LRP5: variants seen among roughly 807,000 people sequenced by gnomAD.
The protein encoded by LRP5 is LDL receptor related protein 5, also known as low-density lipoprotein receptor-related protein 5.
Under a neutral mutation model 154.1 loss-of-function variants are expected in LRP5, and 62 were observed. That is an observed-to-expected ratio of 0.40 (90% CI 0.33 to 0.50). The LOEUF is 0.50. LRP5 is among the 20% of genes least tolerant of loss of function. The pLI is 0.55. For missense variants in LRP5, 1,915 were observed against 2,336.7 expected, an observed-to-expected ratio of 0.82 and a Z score of 3.72; for synonymous variants, 966 against 1,011.5, an observed-to-expected ratio of 0.96 and a Z score of 0.85.
intron 5 of LRP5, among the ~76,000 whole-genome samples, chr11:68,377,311 T>C (rs931910307): frequency 2.0e-5 from 3 of 152,108 alleles, no homozygotes; most frequent in African/African-American, 7.2e-5. Flanking sequence ...AGCAGCGACT[T>C]TCCTGTTTTA....
rs186020781 is a variant in LRP5 at position 68,363,094 on chromosome 11, A to G, written c.687-653A>G. Among the ~76,000 whole-genome samples the G allele has an allele frequency of 8.5e-5, 13 of 152,378 alleles. No homozygotes were observed. The East Asian group carries it at 1.7e-3, about 20-fold the overall frequency. ...TTGATGCCAAGTTTCATTTACTCTG[A>G]AAGTATAAATTATGAGCATTGTAAG... On this transcript the variant is annotated intron_variant, in intron 3 of 22. Coordinates refer to ENST00000294304, the MANE Select transcript of LRP5 (RefSeq NM_002335.4).
Position 68,409,095 on chromosome 11 carries a change from TACAC to T in LRP5, c.2092-813_2092-810del, listed in dbSNP as rs201493195. ...AAAAATATATATATATATATATATA[TACAC>T]ACACATACACGCACACACACATAAT... On this transcript the variant is annotated intron_variant, in intron 9 of 22. Transcript: ENST00000294304. 3.4e-3 allele frequency among the ~76,000 whole-genome samples: 95 copies of T among 27,766 alleles called. 3 individuals carry two copies. Among genetic ancestry groups the T allele is most frequent in the South Asian group, 0.011 (6 of 558 alleles). The allele number at this position is 27,766 out of a possible 152,430, so 18.2% of individuals were successfully genotyped here. A position where few individuals can be genotyped will look rare whatever the true frequency, so the allele number is the denominator to read the frequency against.
intron 4 of LRP5, among the ~76,000 whole-genome samples, chr11:68,364,932 C>A (rs192489439): frequency 6.6e-6 from 1 of 151,672 alleles, no homozygotes; most frequent in South Asian, 2.1e-4. Context: ...CTACACCCAG[C>A]TTTCCCCTGG....
chr11:68,436,921 A>C lies in LRP5; in HGVS notation c.4033A>C (p.Ser1345Arg), dbSNP rs572540297. Residue 1345 changes from serine to arginine, a missense_variant, in exon 19 of 23, where the codon AGC becomes CGC. This residue lies in a region of LRP5 where 1,094 missense variants were observed against 1,210.1 expected (regional missense o/e 0.90). Coordinates refer to ENST00000294304, the MANE Select transcript of LRP5 (RefSeq NM_002335.4). ...CCTGCCCAACCAGTTCCGGTGTGCG[A>C]GCGGCCAGTGTGTCCTCATCAAACA... ...ICLPNQFRCASGQCVLIKQQC... is the reference protein window; with the variant it reads ...ICLPNQFRCARGQCVLIKQQC... 6.2e-7 allele frequency: 1 copy of C among 1,613,854 alleles called. No individual in the cohort carries two copies. The highest frequency in any genetic ancestry group is 2.2e-5 in the East Asian group (1 of 44,874).
intron 5 of LRP5, among the ~76,000 whole-genome samples, chr11:68,385,612 C>T (rs937992834): frequency 1.6e-4 from 25 of 151,920 alleles, no homozygotes; most frequent in African/African-American, 4.6e-4. Flanking sequence ...GTCAAGTGGT[C>T]GTGAAACTCT....
chr11:68,340,087 A>C (rs552288885), intron 1 of LRP5, among the ~76,000 whole-genome samples: 9 of 152,172 alleles, frequency 5.9e-5, no homozygotes, highest in African/African-American at 1.7e-4. Flanking sequence ...CTAAAAATAC[A>C]AAATTAGCTG....
chr11:68,416,054 C>G (rs1235193364), intron 12 of LRP5, among the ~76,000 whole-genome samples: 1 of 146,478 alleles, frequency 6.8e-6, no homozygotes, highest in African/African-American at 2.5e-5. Flanking sequence ...GACTCCATCT[C>G]AAAAAAAAAA....
At chr11:68,440,823 A>G (rs1156236253) in intron 21 of LRP5, among the ~76,000 whole-genome samples, 1 of 151,872 alleles carries the variant, frequency 6.6e-6, no homozygotes, top group Non-Finnish European at 1.5e-5. Flanking sequence ...CTTCAGTGCA[A>G]TGGTGTGATC....
upstream of LRP5, among the ~76,000 whole-genome samples, chr11:68,312,220 TG>T (rs2098588456): frequency 6.6e-6 from 1 of 152,068 alleles, no homozygotes; most frequent in South Asian, 2.1e-4. Context: ...GGCCGCCCCG[TG>T]GGGCCCCAGG....
intron 2 of LRP5, among the ~76,000 whole-genome samples, chr11:68,356,418 C>T (rs1168810899): frequency 6.6e-6 from 1 of 152,082 alleles, no homozygotes; most frequent in Non-Finnish European, 1.5e-5. Context: ...ATTACAGGTG[C>T]AAGCCATCGT....
chr11:68,343,919 A>G (rs2098610625), intron 1 of LRP5, among the ~76,000 whole-genome samples: 2 of 151,998 alleles, frequency 1.3e-5, no homozygotes, highest in African/African-American at 4.8e-5. Flanking sequence ...GGGGGCAGGG[A>G]CCTGGGCTCC....
At chr11:68,357,918 T>C (rs1297801136) in intron 3 of LRP5, 71 bp downstream of exon 3, 1 of 1,402,910 alleles carries the variant, frequency 7.1e-7, no homozygotes, top group Non-Finnish European at 9.8e-7. Context: ...CGTTCCTTCT[T>C]AACTCAGGCC....
At chr11:68,409,089 T>C (rs959908373) in intron 9 of LRP5, among the ~76,000 whole-genome samples, 15 of 39,772 alleles carry the variant, frequency 3.8e-4, no homozygotes, top group African/African-American at 9.1e-4. Flanking sequence ...TATATATATA[T>C]ATATATACAC....
At chr11:68,306,110 C>T in the LRP5 span, among the ~76,000 whole-genome samples, 1 of 152,158 alleles carries the variant, frequency 6.6e-6, no homozygotes, top group African/African-American at 2.4e-5. Context: ...CCTTCACTCT[C>T]CTCTTCTGTC....
intron 3 of LRP5, among the ~76,000 whole-genome samples, chr11:68,358,788 G>T (rs971756928): frequency 6.6e-6 from 1 of 152,236 alleles, no homozygotes; most frequent in African/African-American, 2.4e-5. Context: ...CATCCCTTCT[G>T]TGTACAGGTG....
In LRP5 at chr11:68,406,412, C is replaced by T. The variant is rs553147657; in HGVS notation, c.1802-112C>T. 3.0e-3 allele frequency: 3,646 copies of T among 1,206,426 alleles called. 8 individuals are homozygous for T. Among genetic ancestry groups the T allele is most frequent in the Non-Finnish European group, 4.1e-3 (3,317 of 813,112 alleles). 74.7% of individuals were successfully genotyped at this position (1,206,426 alleles called of 1,614,324 possible). A position where few individuals can be genotyped will look rare whatever the true frequency, so the allele number is the denominator to read the frequency against. ...CTGACCCGGGGGTGAGTCCTGAGCTCGGCACCCCTGAGCTGTGTGGCTCAC... is the reference window on the plus strand; with the variant it reads ...CTGACCCGGGGGTGAGTCCTGAGCTTGGCACCCCTGAGCTGTGTGGCTCAC... On this transcript the variant is annotated intron_variant, in intron 8 of 22. Transcript: ENST00000294304.
chr11:68,345,817 C>T (rs1187422399), intron 1 of LRP5, among the ~76,000 whole-genome samples: 1 of 152,198 alleles, frequency 6.6e-6, no homozygotes, highest in African/African-American at 2.4e-5. Context: ...TGCTCCAGAT[C>T]CTCACCAACA....
rs1460823577 is a variant in LRP5, at chr11:68,406,817, G to A, written c.2091+4G>A. 2 of 1,613,596 alleles carry A rather than the reference G, an allele frequency of 1.2e-6. No homozygotes were observed. Among genetic ancestry groups the A allele is most frequent in the Admixed American group, 3.3e-5 (2 of 59,988 alleles). On this transcript the variant is annotated splice_donor_region_variant and intron_variant, in intron 9 of 22. Transcript: ENST00000294304. ...CTGGACAGACGTCAGCCTGAAGGTA[G>A]CGTGGGCCAGAACGTGCACACAGGC...
intron 2 of LRP5, 124 bp downstream of exon 2, chr11:68,348,367 G>C (rs1457589971): frequency 2.7e-5 from 36 of 1,318,174 alleles, no homozygotes; most frequent in South Asian, 1.8e-4. Flanking sequence ...TGAACCCGTG[G>C]GGGGGTTGGC....
Sources: allele counts gnomAD v4.1 joint callset (sites outside exome capture counted in the v4.1 genomes callset), GRCh38; gene constraint gnomAD v4.1.1; regional missense constraint gnomAD v4.1.1; transcripts MANE v1.5; gene names NCBI Gene and HGNC (gene_info 2026-07-23, HGNC 2026-07-21).